ARID4B: variants seen among roughly 807,000 people sequenced by gnomAD.
The protein encoded by ARID4B is AT-rich interactive domain-containing protein 4B.
Under a neutral mutation model 147.5 loss-of-function variants are expected in ARID4B, and 26 were observed. The ratio of observed to expected loss-of-function variants is 0.18; its 90% CI spans 0.13 to 0.24. ARID4B has a LOEUF of 0.24. Among genes scored for constraint, ARID4B ranks in the 10% least tolerant of loss-of-function variants. The pLI is 1.00. For synonymous variants in ARID4B, 512 were observed against 507.9 expected (o/e 1.01, Z -0.11); for missense variants, 1,179 against 1,511.5 (o/e 0.78, Z 3.65).
intron 19 of ARID4B, among the ~76,000 whole-genome samples, chr1:235,192,843 C>CAG (rs1198552050): frequency 6.6e-6 from 1 of 152,136 alleles, no homozygotes; most frequent in African/African-American, 2.4e-5. Flanking sequence ...CGGTGGCTCA[C>CAG]GCCTGTAATC....
chr1:235,202,032 AATATATACAT>A (rs1307355818), intron 17 of ARID4B, among the ~76,000 whole-genome samples: 1 of 150,404 alleles, frequency 6.6e-6, no homozygotes, highest in Middle Eastern at 3.2e-3. Flanking sequence ...ATATATACAC[AATATATACAT>A]ATATATACAA....
intron 7 of ARID4B, among the ~76,000 whole-genome samples, chr1:235,241,786 G>A (rs1203354872): frequency 2.0e-5 from 3 of 151,880 alleles, no homozygotes; most frequent in Non-Finnish European, 4.4e-5. Context: ...AAAGTGCTGG[G>A]ATTATAGGCG....
rs576771466 is a variant in ARID4B, at chr1:235,277,536, C to CAAA, written c.7-16787_7-16785dup. Among the ~76,000 whole-genome samples, 83 of 87,292 alleles carry CAAA rather than the reference C, an allele frequency of 9.5e-4. 1 individual carries two copies. Among genetic ancestry groups the CAAA allele is most frequent in the African/African-American group, 4.6e-3 (80 of 17,236 alleles). The allele number at this position is 87,292 out of a possible 152,430, so 57.3% of individuals were successfully genotyped here. A position where few individuals can be genotyped will look rare whatever the true frequency, so the allele number is the denominator to read the frequency against. Reference sequence around the variant, plus strand: ...CCTGGGCGACAGCGAGACTCCGTCTCAAAAAAAAAAAAAAATAATAATAAT... The same window carrying CAAA: ...CCTGGGCGACAGCGAGACTCCGTCTCAAAAAAAAAAAAAAAAAATAATAATAAT... On this transcript the variant is annotated intron_variant, in intron 2 of 23. Transcript: ENST00000264183.
chr1:235,193,241 A>G (rs952604043), intron 19 of ARID4B, among the ~76,000 whole-genome samples: 1 of 152,182 alleles, frequency 6.6e-6, no homozygotes, highest in African/African-American at 2.4e-5. Context: ...TAGAAACAAT[A>G]TAAATATTAG....
chr1:235,188,698 C>A (rs1664862360), intron 19 of ARID4B, among the ~76,000 whole-genome samples: 1 of 152,106 alleles, frequency 6.6e-6, no homozygotes, highest in Non-Finnish European at 1.5e-5. Flanking sequence ...CTCTTACCAC[C>A]CTCCAGTCAA....
chr1:235,283,793 T>C (rs1671806884), intron 2 of ARID4B, among the ~76,000 whole-genome samples: 1 of 152,158 alleles, frequency 6.6e-6, no homozygotes, highest in African/African-American at 2.4e-5. Context: ...TGGAGTGCAA[T>C]GGTGCAATCG....
rs773005391 is a variant in ARID4B, at chr1:235,234,410, T to C, written c.665+3A>G. ...TTTTTCAAACCAAGTAAATTATACT[T>C]ACAATTTTCCATCTTTGAAAGATCG... On this transcript the variant is annotated splice_donor_region_variant and intron_variant, in intron 9 of 23. Transcript: ENST00000264183. 5.1e-6 allele frequency: 8 copies of C among 1,581,010 alleles called. No homozygotes were observed. The East Asian group carries it at 1.3e-4, about 27-fold the overall frequency.
intron 2 of ARID4B, among the ~76,000 whole-genome samples, chr1:235,312,147 G>A (rs1056398542): frequency 5.3e-5 from 8 of 152,036 alleles, no homozygotes; most frequent in Admixed American, 3.3e-4. Context: ...TTAGCTGGGC[G>A]TGGTGGCGCG....
intron 5 of ARID4B, among the ~76,000 whole-genome samples, chr1:235,255,216 G>GAGCTATAT (rs1669875293): frequency 1.0e-5 from 1 of 95,522 alleles, no homozygotes; most frequent in African/African-American, 3.4e-5. Flanking sequence ...TTCCTGCTGG[G>GAGCTATAT]AGCTAGATAG....
At chr1:235,306,231 A>T (rs1341742192) in intron 2 of ARID4B, among the ~76,000 whole-genome samples, 2 of 152,118 alleles carry the variant, frequency 1.3e-5, no homozygotes, top group African/African-American at 4.8e-5. Flanking sequence ...AAAAAATAAG[A>T]TTGTGCTGGC....
At chr1:235,297,107 G>A (rs1292164459) in intron 2 of ARID4B, among the ~76,000 whole-genome samples, 1 of 152,078 alleles carries the variant, frequency 6.6e-6, no homozygotes, top group African/African-American at 2.4e-5. Context: ...AAGTGAACCT[G>A]ATATCCCTTG....
intron 4 of ARID4B, 58 bp from the exon 5 acceptor site, chr1:235,255,808 A>C: frequency 1.6e-6 from 2 of 1,232,638 alleles, no homozygotes; most frequent in Non-Finnish European, 2.3e-6. Context: ...ACAAACCAAA[A>C]CCTGGGTTTG....
chr1:235,211,833 A>G (rs1666737964), intron 17 of ARID4B, among the ~76,000 whole-genome samples: 1 of 152,088 alleles, frequency 6.6e-6, no homozygotes, highest in Non-Finnish European at 1.5e-5. Context: ...AAGATAATTT[A>G]GTAAGATCAA....
chr1:235,281,173 C>CA (rs1455884639), intron 2 of ARID4B, among the ~76,000 whole-genome samples: 1 of 152,120 alleles, frequency 6.6e-6, no homozygotes, highest in East Asian at 1.9e-4. Context: ...ATAATCTCAG[C>CA]ACTTTGGGAG....
intron 17 of ARID4B, among the ~76,000 whole-genome samples, chr1:235,205,900 A>G (rs1407793636): frequency 6.6e-6 from 1 of 152,200 alleles, no homozygotes; most frequent in Non-Finnish European, 1.5e-5. Context: ...ACCCTAACAC[A>G]TTGCTGGTGA....
At chr1:235,218,957 C>T (rs1667268949) in intron 16 of ARID4B, among the ~76,000 whole-genome samples, 1 of 150,700 alleles carries the variant, frequency 6.6e-6, no homozygotes, top group Non-Finnish European at 1.5e-5. Context: ...CCTCTGCCTC[C>T]AGGGTTCAAG....
In ARID4B at chr1:235,219,775, C is replaced by A. The variant is rs750368680; in HGVS notation, c.1583+18G>T. ...CCATCAAGCTGAAATGCATCGTAACCAAAAACAATTTTCTTACCCAGATTT... is the reference window on the plus strand; with the variant it reads ...CCATCAAGCTGAAATGCATCGTAACAAAAAACAATTTTCTTACCCAGATTT... On this transcript the variant is annotated intron_variant, in intron 16 of 23. Coordinates refer to ENST00000264183, the MANE Select transcript of ARID4B (RefSeq NM_016374.6). 6.3e-7 allele frequency: 1 copy of A among 1,579,544 alleles called. No homozygotes were observed. The highest frequency in any genetic ancestry group is 8.6e-7 in the Non-Finnish European group (1 of 1,166,218).
chr1:235,220,345 A>C lies in ARID4B; in HGVS notation c.1364T>G (p.Ile455Ser). 6.2e-7 allele frequency: 1 copy of C among 1,609,234 alleles called. No individual in the cohort carries two copies. The highest frequency in any genetic ancestry group is 1.3e-5 in the African/African-American group (1 of 74,770). ...RNIIPREEKP[I>S]EDEIERKENI... is the part of the protein sequence containing the mutation. Reference sequence around the variant, plus strand: ...TTCTTTTCTTTCAATTTCATCCTCAATAGGCTTTTCTTCTCTTGGTATTAT... The same window carrying C: ...TTCTTTTCTTTCAATTTCATCCTCACTAGGCTTTTCTTCTCTTGGTATTAT... The change falls in exon 15 of 24, where the codon ATT becomes AGT. Residue 455 changes from isoleucine (I) to serine (S), a missense_variant. Ile to Ser is a moderately radical substitution (Grantham distance 142, BLOSUM62 -2). Around this residue, in one of 10 missense-constraint regions of ARID4B, gnomAD observed 204 missense variants for 210.9 expected, o/e 0.97. Transcript: ENST00000264183.
chr1:235,211,750 T>C (rs1434345305), intron 17 of ARID4B, among the ~76,000 whole-genome samples: 1 of 152,134 alleles, frequency 6.6e-6, no homozygotes, highest in Non-Finnish European at 1.5e-5. Flanking sequence ...CTTCCTAATT[T>C]TAAACTAACA....
Sources: allele counts gnomAD v4.1 joint callset (sites outside exome capture counted in the v4.1 genomes callset), GRCh38; gene constraint gnomAD v4.1.1; regional missense constraint gnomAD v4.1.1; transcripts MANE v1.5; gene names NCBI Gene and HGNC (gene_info 2026-07-23, HGNC 2026-07-21).